The following PLCL1 variants were observed in gnomAD, a reference collection of about 807,000 sequenced individuals.
PLCL1 encodes phospholipase C like 1 (inactive).
Under a neutral mutation model 84.4 loss-of-function variants are expected in PLCL1, and 41 were observed. The observed-to-expected ratio is 0.49, with a 90% CI of 0.38 to 0.63. The LOEUF (loss-of-function observed/expected upper bound fraction) is 0.63, where lower values mean the gene tolerates loss of function less well. Ranked by LOEUF, PLCL1 falls within the 30% of genes least tolerant of loss-of-function variation. PLCL1 has a pLI of 0.00. For synonymous variants in PLCL1, 490 were observed against 488.3 expected, an observed-to-expected ratio of 1.00 and a Z score of -0.05; for missense variants, 1,206 against 1,367.8, an observed-to-expected ratio of 0.88 and a Z score of 1.87.
intron 1 of PLCL1, among the ~76,000 whole-genome samples, chr2:197,940,528 C>G (rs1285365661): frequency 6.6e-6 from 1 of 152,198 alleles, no homozygotes; most frequent in East Asian, 1.9e-4. Flanking sequence ...AGCCACTTAT[C>G]TGGCATTTTT....
intron 1 of PLCL1, among the ~76,000 whole-genome samples, chr2:197,929,720 G>A (rs1345142438): frequency 2.0e-5 from 3 of 152,166 alleles, no homozygotes; most frequent in African/African-American, 7.2e-5. Flanking sequence ...ATTCTAATGA[G>A]AGAGTTAAAA....
Position 198,084,032 on chromosome 2 carries a change from C to A in PLCL1, c.515C>A (p.Thr172Lys), listed in dbSNP as rs960695648. ...AAAGAGATCAGACTGGGGAAAAACA[C>A]GGAAACATTTAGAAACAATGGCCTT... ...AIKEIRLGKN[T>K]ETFRNNGLAD... Residue 172 changes from threonine to lysine, a missense_variant, in exon 2 of 6, where the codon ACG (threonine) becomes AAG (lysine). Physicochemically the swap from Thr to Lys is moderately conservative, Grantham distance 78 (BLOSUM62 -1). Coordinates refer to ENST00000428675, the MANE Select transcript of PLCL1 (RefSeq NM_006226.4). 1.9e-6 allele frequency: 3 copies of A among 1,614,120 alleles called. No individual in the cohort carries two copies. Among genetic ancestry groups the A allele is most frequent in the Non-Finnish European group, 1.7e-6 (2 of 1,180,014 alleles).
intron 3 of PLCL1, among the ~76,000 whole-genome samples, chr2:198,091,399 G>A (rs1693028307): frequency 6.6e-6 from 1 of 152,118 alleles, no homozygotes; most frequent in African/African-American, 2.4e-5. Flanking sequence ...TAAAAACATA[G>A]ATCAAGGGGC....
At chr2:198,108,429 T>C (rs970775255) in intron 5 of PLCL1, among the ~76,000 whole-genome samples, 4 of 151,802 alleles carry the variant, frequency 2.6e-5, no homozygotes, top group Non-Finnish European at 4.4e-5. Context: ...TAATTTCCAA[T>C]AAGTAAGGAA....
intron 1 of PLCL1, among the ~76,000 whole-genome samples, chr2:198,075,082 C>T (rs1286863564): frequency 1.3e-5 from 2 of 152,156 alleles, no homozygotes; most frequent in African/African-American, 2.4e-5. Flanking sequence ...ACATGACATC[C>T]TGTTTTCCAT....
chr2:197,846,845 A>C (rs1456675574), intron 1 of PLCL1, among the ~76,000 whole-genome samples: 1 of 152,112 alleles, frequency 6.6e-6, no homozygotes, highest in African/African-American at 2.4e-5. Flanking sequence ...TGGATGATAG[A>C]TCCTCAGGGA....
chr2:197,921,083 G>T (rs747776735), intron 1 of PLCL1, among the ~76,000 whole-genome samples: 6 of 152,134 alleles, frequency 3.9e-5, no homozygotes, highest in Non-Finnish European at 7.3e-5. Context: ...TTGCTCCTAG[G>T]CTACAAAGAA....
At chr2:197,979,225 C>T (rs1690052996) in intron 1 of PLCL1, among the ~76,000 whole-genome samples, 1 of 152,174 alleles carries the variant, frequency 6.6e-6, no homozygotes. Flanking sequence ...TTGGAAAAAG[C>T]CCAAATACTG....
chr2:197,820,559 G>A (rs560569955), intron 1 of PLCL1, among the ~76,000 whole-genome samples: 1 of 152,086 alleles, frequency 6.6e-6, no homozygotes, highest in African/African-American at 2.4e-5. Context: ...ATTTTTCATT[G>A]CATGAAGCCT....
chr2:198,110,270 C>T (rs1371660), intron 5 of PLCL1, among the ~76,000 whole-genome samples: 3,153 of 151,908 alleles, frequency 0.021, 114 homozygotes, highest in African/African-American at 0.073. Context: ...CCCCATAACG[C>T]TTTTGCTTTT....
At chr2:198,001,452 A>G (rs1690597513) in intron 1 of PLCL1, among the ~76,000 whole-genome samples, 1 of 152,202 alleles carries the variant, frequency 6.6e-6, no homozygotes, top group African/African-American at 2.4e-5. Flanking sequence ...AGAAAGCCCC[A>G]AGGTACCCTT....
In PLCL1 at chr2:198,149,519, A is replaced by T. The variant is rs1428078598; in HGVS notation, c.*2557A>T. The T allele has an allele frequency of 3.3e-5, 5 of 152,170 alleles. No individual in the cohort carries two copies. Among genetic ancestry groups the T allele is most frequent in the Non-Finnish European group, 7.4e-5 (5 of 68,022 alleles). 9.4% of individuals were successfully genotyped at this position (152,170 alleles called of 1,614,324 possible). A position where few individuals can be genotyped will look rare whatever the true frequency, so the allele number is the denominator to read the frequency against. Reference sequence around the variant, plus strand: ...CAAGATTATATACTTAGTGATTTTGATTTTAAGTTTATTCTTAACATTTTA... The same window carrying T: ...CAAGATTATATACTTAGTGATTTTGTTTTTAAGTTTATTCTTAACATTTTA... On this transcript the variant is annotated 3_prime_UTR_variant, in exon 6 of 6. Coordinates refer to ENST00000428675, the MANE Select transcript of PLCL1 (RefSeq NM_006226.4).
chr2:197,876,402 A>G (rs1687732191), intron 1 of PLCL1, among the ~76,000 whole-genome samples: 1 of 152,104 alleles, frequency 6.6e-6, no homozygotes, highest in South Asian at 2.1e-4. Context: ...TTTATGTAAA[A>G]CTTGATAGGT....
intron 1 of PLCL1, among the ~76,000 whole-genome samples, chr2:198,052,552 C>T (rs916145387): frequency 6.6e-6 from 1 of 151,170 alleles, no homozygotes; most frequent in African/African-American, 2.4e-5. Context: ...TTACCTTACA[C>T]TAATTGACAT....
chr2:197,839,025 C>T (rs1467596339), intron 1 of PLCL1, among the ~76,000 whole-genome samples: 2 of 152,188 alleles, frequency 1.3e-5, no homozygotes, highest in Non-Finnish European at 2.9e-5. Context: ...TATATCTGCT[C>T]TGTTCAGTTT....
intron 1 of PLCL1, among the ~76,000 whole-genome samples, chr2:197,855,947 TACTC>T (rs370574940): frequency 4.9e-4 from 75 of 152,286 alleles, no homozygotes; most frequent in Non-Finnish European, 9.0e-4. Flanking sequence ...TTCAGAATGT[TACTC>T]AGTAAGGGCA....
At chr2:198,047,416 T>A (rs1282028948) in intron 1 of PLCL1, among the ~76,000 whole-genome samples, 1 of 152,124 alleles carries the variant, frequency 6.6e-6, no homozygotes, top group East Asian at 1.9e-4. Context: ...TCTCTTGATC[T>A]TGTGACCCGC....
chr2:198,125,864 G>A (rs1001082671), intron 5 of PLCL1, among the ~76,000 whole-genome samples: 1 of 152,064 alleles, frequency 6.6e-6, no homozygotes, highest in South Asian at 2.1e-4. Flanking sequence ...AGCAAAAATG[G>A]GCCATGGGAT....
chr2:198,003,719 C>T (rs966237266), intron 1 of PLCL1, among the ~76,000 whole-genome samples: 6 of 152,132 alleles, frequency 3.9e-5, no homozygotes, highest in East Asian at 1.9e-4. Context: ...ATATGGCCTA[C>T]GCAGAAGAAT....
Sources: allele counts gnomAD v4.1 joint callset (sites outside exome capture counted in the v4.1 genomes callset), GRCh38; gene constraint gnomAD v4.1.1; transcripts MANE v1.5; gene names NCBI Gene and HGNC (gene_info 2026-07-23, HGNC 2026-07-21).